VAV3: variants seen among roughly 807,000 people sequenced by gnomAD.
VAV3 encodes guanine nucleotide exchange factor VAV3.
VAV3 carries 94 observed loss-of-function variants against 131.2 expected under a neutral mutation model. That is an observed-to-expected ratio of 0.72 (90% CI 0.61 to 0.85). VAV3 has a LOEUF of 0.85. VAV3 is among the 40% of genes least tolerant of loss of function. VAV3 has a pLI of 0.00. For synonymous variants in VAV3, 349 were observed against 342.0 expected (o/e 1.02, Z -0.22); for missense variants, 939 against 1,002.7 (o/e 0.94, Z 0.86).
chr1:107,761,214 C>A (rs943123842), intron 9 of VAV3, among the ~76,000 whole-genome samples: 3 of 151,818 alleles, frequency 2.0e-5, no homozygotes, highest in Non-Finnish European at 1.5e-5. Flanking sequence ...ATGGTGAAAC[C>A]CCATCTCTAC....
intron 15 of VAV3, 113 bp from the exon 16 acceptor site, chr1:107,705,174 C>A (rs1557777504): frequency 2.6e-6 from 2 of 776,186 alleles, no homozygotes; most frequent in East Asian, 2.7e-5. Context: ...CTGATTCAAG[C>A]AAAATGACTA....
intron 17 of VAV3, 58 bp downstream of exon 17, chr1:107,704,492 G>A (rs1191372982): frequency 7.2e-7 from 1 of 1,396,694 alleles, no homozygotes; most frequent in Non-Finnish European, 1.0e-6. Flanking sequence ...CCTTAATTAT[G>A]TTTAGCAAAT....
chr1:107,912,189 TTC>T (rs1455895979), intron 1 of VAV3, among the ~76,000 whole-genome samples: 1 of 152,294 alleles, frequency 6.6e-6, no homozygotes, highest in Admixed American at 6.5e-5. Context: ...AAAAATCTCT[TTC>T]TGACACAAAA....
intron 2 of VAV3, among the ~76,000 whole-genome samples, chr1:107,801,932 T>A (rs1291291546): frequency 2.0e-5 from 3 of 152,064 alleles, no homozygotes; most frequent in Admixed American, 1.3e-4. Context: ...TTCGTCAGCA[T>A]TTTTTTATGT....
intron 2 of VAV3, among the ~76,000 whole-genome samples, chr1:107,786,224 C>T (rs540473373): frequency 6.6e-6 from 1 of 152,304 alleles, no homozygotes; most frequent in South Asian, 2.1e-4. Flanking sequence ...ATAGTTTGTG[C>T]TGTCCTTGGT....
chr1:107,895,353 G>A (rs778191404), intron 1 of VAV3, among the ~76,000 whole-genome samples: 1 of 152,126 alleles, frequency 6.6e-6, no homozygotes, highest in African/African-American at 2.4e-5. Flanking sequence ...CACATTGCTT[G>A]TCATCTGCTG....
intron 1 of VAV3, among the ~76,000 whole-genome samples, chr1:107,915,415 C>T (rs1254279492): frequency 6.6e-6 from 1 of 152,070 alleles, no homozygotes; most frequent in African/African-American, 2.4e-5. Context: ...TGACTATCAC[C>T]CCCATGTGAT....
At chr1:107,726,355 A>G (rs1018786933) in intron 15 of VAV3, among the ~76,000 whole-genome samples, 1 of 152,206 alleles carries the variant, frequency 6.6e-6, no homozygotes, top group African/African-American at 2.4e-5. Context: ...TTCCGCCAGA[A>G]AGTCCTCTGT....
At chr1:107,918,483 G>A (rs1023026951) in intron 1 of VAV3, among the ~76,000 whole-genome samples, 1 of 151,978 alleles carries the variant, frequency 6.6e-6, no homozygotes, top group Admixed American at 6.6e-5. Context: ...GGTCAATGAA[G>A]GTAGGGGAAT....
intron 2 of VAV3, among the ~76,000 whole-genome samples, chr1:107,792,002 C>A (rs1389069928): frequency 6.6e-6 from 1 of 152,176 alleles, no homozygotes; most frequent in Non-Finnish European, 1.5e-5. Context: ...GCAGGCAATG[C>A]TGCCAGCACC....
intron 17 of VAV3, among the ~76,000 whole-genome samples, chr1:107,701,548 A>G (rs1557774234): frequency 6.6e-6 from 1 of 152,148 alleles, no homozygotes; most frequent in African/African-American, 2.4e-5. Context: ...TGTCTTGGCA[A>G]TTAACATTTA....
intron 1 of VAV3, among the ~76,000 whole-genome samples, chr1:107,904,052 A>G (rs78536939): frequency 6.6e-6 from 1 of 152,198 alleles, no homozygotes; most frequent in Non-Finnish European, 1.5e-5. Flanking sequence ...TACCTGTTCT[A>G]TAACTTTCCA....
At chr1:107,578,508 G>C (rs1011766372) in intron 25 of VAV3, among the ~76,000 whole-genome samples, 1 of 152,160 alleles carries the variant, frequency 6.6e-6, no homozygotes, top group Non-Finnish European at 1.5e-5. Flanking sequence ...AGAAAATCTG[G>C]TGCTAAGATT....
At chr1:107,772,105 T>G (rs1236981715) in intron 5 of VAV3, among the ~76,000 whole-genome samples, 1 of 152,206 alleles carries the variant, frequency 6.6e-6, no homozygotes, top group African/African-American at 2.4e-5. Context: ...ATTAAGAACC[T>G]AAGCAACTGA....
intron 1 of VAV3, among the ~76,000 whole-genome samples, chr1:107,883,971 T>G (rs345294): frequency 0.86 from 130,212 of 152,084 alleles, 55,951 homozygotes; most frequent in African/African-American, 0.92. Context: ...CTGAATACCT[T>G]GGAAGTGCAG....
chr1:107,646,108 T>C (rs1410461360), intron 19 of VAV3, among the ~76,000 whole-genome samples: 1 of 152,034 alleles, frequency 6.6e-6, no homozygotes, highest in African/African-American at 2.4e-5. Context: ...AAAAACTCCA[T>C]ATTTTCCCTT....
chr1:107,904,501 A>G (rs1298002257), intron 1 of VAV3, among the ~76,000 whole-genome samples: 1 of 152,130 alleles, frequency 6.6e-6, no homozygotes, highest in Non-Finnish European at 1.5e-5. Flanking sequence ...TGACTGCTCC[A>G]TGTTTCTGCA....
At chr1:107,748,466 A>G (rs968550506) in intron 15 of VAV3, among the ~76,000 whole-genome samples, 1 of 152,222 alleles carries the variant, frequency 6.6e-6, no homozygotes, top group Non-Finnish European at 1.5e-5. Context: ...TCAAGCCCTT[A>G]AAGCATTCCT....
At chr1:107,956,122 T>C (rs1251585707) in intron 1 of VAV3, among the ~76,000 whole-genome samples, 3 of 152,220 alleles carry the variant, frequency 2.0e-5, no homozygotes, top group Non-Finnish European at 4.4e-5. Flanking sequence ...TCACTCATAG[T>C]GCAGGAGAGA....
Sources: gnomAD v4.1 joint callset for allele counts (sites outside exome capture counted in the v4.1 genomes callset) on GRCh38, gnomAD v4.1.1 for gene constraint, MANE v1.5 for transcripts, NCBI Gene and HGNC (gene_info 2026-07-23, HGNC 2026-07-21) for gene names.